PTPRZ1: variants seen among roughly 807,000 people sequenced by gnomAD.
PTPRZ1 encodes protein tyrosine phosphatase receptor type Z1.
In PTPRZ1, 82 loss-of-function variants were observed where a neutral mutation model predicts 214.1. That is an observed-to-expected ratio of 0.38 (90% confidence interval 0.32 to 0.46). The LOEUF is 0.46. Among genes scored for constraint, PTPRZ1 ranks in the 20% least tolerant of loss-of-function variants. The pLI, the probability that PTPRZ1 is intolerant of heterozygous loss-of-function variation, is 1.00. For synonymous variants in PTPRZ1, 945 were observed against 987.9 expected, an observed-to-expected ratio of 0.96 and a Z score of 0.81; for missense variants, 2,603 against 2,748.7, an observed-to-expected ratio of 0.95 and a Z score of 1.19.
At position 121,873,213 on chromosome 7, in the gene PTPRZ1, A is replaced by C; in HGVS notation, c.-287A>C. The C allele has an allele frequency of 2.3e-6, 1 of 428,474 alleles. No homozygotes were observed. Among genetic ancestry groups the C allele is most frequent in the Middle Eastern group, 6.0e-4 (1 of 1,678 alleles). 26.5% of individuals were successfully genotyped at this position (428,474 alleles called of 1,614,324 possible). On this transcript the variant is annotated 5_prime_UTR_variant, in exon 1 of 30. Coordinates refer to ENST00000393386, the MANE Select transcript of PTPRZ1 (RefSeq NM_002851.3). ...GAGGCAAAGTCCCGCACGCCGGAGG[A>C]CATGCGCCTCGGCTAGCGGCCCCGG...
rs755432522 is a variant in PTPRZ1 at position 122,013,901 on chromosome 7, A to T, written c.4843+12A>T. 2 of 1,580,068 alleles carry T rather than the reference A, an allele frequency of 1.3e-6. No homozygotes were observed. Among genetic ancestry groups the T allele is most frequent in the African/African-American group, 1.3e-5 (1 of 74,124 alleles). On this transcript the variant is annotated intron_variant, in intron 12 of 29. Transcript: ENST00000393386. Reference sequence around the variant, plus strand: ...CGTTTCAGAGGCAGGTTAGTTACGGATCAGAAGGACAGATTGAGGTGTGGT... The same window carrying T: ...CGTTTCAGAGGCAGGTTAGTTACGGTTCAGAAGGACAGATTGAGGTGTGGT...
At chr7:121,970,224 CAAGTCTT>C (rs1797195884) in intron 3 of PTPRZ1, among the ~76,000 whole-genome samples, 1 of 152,016 alleles carries the variant, frequency 6.6e-6, no homozygotes, top group Non-Finnish European at 1.5e-5. Flanking sequence ...GGATTGGTTC[CAAGTCTT>C]TGCTATTGTG....
chr7:122,019,075 C>A lies in PTPRZ1; in HGVS notation c.4844-49C>A, dbSNP rs1478993732. The A allele has an allele frequency of 4.6e-6, 7 of 1,522,760 alleles. No homozygotes were observed. The South Asian group carries it at 7.2e-5, about 16-fold the overall frequency. 94.3% of individuals were successfully genotyped at this position (1,522,760 alleles called of 1,614,324 possible). ...ATTAATCAGTTGAAAAATGCTGTGACTTTTCCTTCACCTTAAATATCAATT... is the reference window on the plus strand; with the variant it reads ...ATTAATCAGTTGAAAAATGCTGTGAATTTTCCTTCACCTTAAATATCAATT... On this transcript the variant is annotated intron_variant, in intron 12 of 29. Transcript: ENST00000393386.
chr7:121,923,803 G>A (rs890311928), intron 1 of PTPRZ1, among the ~76,000 whole-genome samples: 6 of 151,736 alleles, frequency 4.0e-5, no homozygotes, highest in African/African-American at 1.5e-4. Flanking sequence ...CAGAAATGAA[G>A]AAATATGTCT....
At chr7:121,956,919 C>T (rs1002668989) in intron 2 of PTPRZ1, among the ~76,000 whole-genome samples, 1 of 151,574 alleles carries the variant, frequency 6.6e-6, no homozygotes, top group Non-Finnish European at 1.5e-5. Context: ...CCTTCCCCCC[C>T]AAAAAACAAT....
chr7:122,021,968 G>A (rs541247563), intron 13 of PTPRZ1, among the ~76,000 whole-genome samples: 46 of 152,232 alleles, frequency 3.0e-4, no homozygotes, highest in African/African-American at 9.9e-4. Flanking sequence ...AATTCTTCAA[G>A]GTTTATGTGA....
intron 2 of PTPRZ1, among the ~76,000 whole-genome samples, chr7:121,929,051 T>C (rs1795847196): frequency 6.6e-6 from 1 of 152,228 alleles, no homozygotes; most frequent in Non-Finnish European, 1.5e-5. Flanking sequence ...AGAAGCATGC[T>C]GAATTTTGTA....
chr7:121,971,696 G>C (rs1797255539), intron 3 of PTPRZ1, among the ~76,000 whole-genome samples: 2 of 152,188 alleles, frequency 1.3e-5, no homozygotes, highest in Admixed American at 6.5e-5. Context: ...CATCGTAAGT[G>C]ATATGTAAAT....
intron 23 of PTPRZ1, among the ~76,000 whole-genome samples, chr7:122,047,207 G>A (rs73440961): frequency 0.024 from 3,657 of 152,282 alleles, 51 homozygotes; most frequent in African/African-American, 0.039. Context: ...GTATAGCATT[G>A]ACACCAGATT....
At chr7:121,948,346 T>A (rs1796449686) in intron 2 of PTPRZ1, among the ~76,000 whole-genome samples, 1 of 152,176 alleles carries the variant, frequency 6.6e-6, no homozygotes, top group South Asian at 2.1e-4. Flanking sequence ...CCAAACATGG[T>A]GGCTCATGCC....
chr7:122,026,681 G>A (rs1799215223), intron 13 of PTPRZ1, among the ~76,000 whole-genome samples: 1 of 152,086 alleles, frequency 6.6e-6, no homozygotes, highest in African/African-American at 2.4e-5. Context: ...TATTCGACCT[G>A]CTCTCTCTTG....
intron 1 of PTPRZ1, among the ~76,000 whole-genome samples, chr7:121,902,872 CCTTATAATA>C: frequency 6.6e-6 from 1 of 152,058 alleles, no homozygotes; most frequent in African/African-American, 2.4e-5. Context: ...TGAAGCAAAA[CCTTATAATA>C]CTGCTTTCTG....
chr7:122,039,407 A>G (rs1049729534), intron 19 of PTPRZ1, 47 bp from the exon 20 acceptor site: 8 of 1,596,904 alleles, frequency 5.0e-6, no homozygotes, highest in Non-Finnish European at 6.0e-6. Flanking sequence ...TGACTTTTAC[A>G]TGGAGCATTT....
intron 1 of PTPRZ1, among the ~76,000 whole-genome samples, chr7:121,917,271 A>G (rs181843758): frequency 3.3e-4 from 51 of 152,324 alleles, no homozygotes; most frequent in African/African-American, 1.1e-3. Flanking sequence ...CTCGTTAACA[A>G]TGAAAAGCCT....
chr7:121,877,725 T>C (rs1041251928), intron 1 of PTPRZ1, among the ~76,000 whole-genome samples: 16 of 152,212 alleles, frequency 1.1e-4, no homozygotes, highest in African/African-American at 3.6e-4. Flanking sequence ...ATGAAAACTT[T>C]CTTTAAATCT....
intron 2 of PTPRZ1, among the ~76,000 whole-genome samples, chr7:121,954,291 C>T (rs1193780893): frequency 6.6e-6 from 1 of 152,138 alleles, no homozygotes. Context: ...TTTTAAAGCC[C>T]TTGTTCTGGC....
intron 2 of PTPRZ1, among the ~76,000 whole-genome samples, chr7:121,951,526 C>A (rs1796540636): frequency 6.6e-6 from 1 of 152,194 alleles, no homozygotes; most frequent in African/African-American, 2.4e-5. Context: ...AGAGAATTTG[C>A]TGACCTGTAA....
chr7:121,908,735 A>C, intron 1 of PTPRZ1: 1 of 488,364 alleles, frequency 2.0e-6, no homozygotes, highest in South Asian at 1.6e-5. Context: ...CAATAAGTAC[A>C]TTTCAGGCTA....
chr7:121,945,345 A>G (rs1441370214), intron 2 of PTPRZ1, among the ~76,000 whole-genome samples: 1 of 152,208 alleles, frequency 6.6e-6, no homozygotes. Context: ...ATTTTAGACT[A>G]TTATTCTCTG....
Sources: gnomAD v4.1 joint callset for allele counts (sites outside exome capture counted in the v4.1 genomes callset) on GRCh38, gnomAD v4.1.1 for gene constraint, MANE v1.5 for transcripts, NCBI Gene and HGNC (gene_info 2026-07-23, HGNC 2026-07-21) for gene names.